The following LRRK2 variants were observed in gnomAD, a reference collection of about 807,000 sequenced individuals.
LRRK2 encodes the protein leucine rich repeat kinase 2.
Under a neutral mutation model 302.6 loss-of-function variants are expected in LRRK2, and 203 were observed. The ratio of observed to expected loss-of-function variants is 0.67; its 90% CI spans 0.60 to 0.75. LRRK2 has a LOEUF of 0.75. Among genes scored for constraint, LRRK2 ranks in the 30% least tolerant of loss-of-function variants. The pLI, the probability that LRRK2 is intolerant of heterozygous loss-of-function variation, is 0.00. For missense variants in LRRK2, 2,830 were observed against 2,951.0 expected, an observed-to-expected ratio of 0.96 and a Z score of 0.95; for synonymous variants, 1,066 against 1,031.9, an observed-to-expected ratio of 1.03 and a Z score of -0.63.
At chr12:40,343,029 T>C (rs780475946) in intron 41 of LRRK2, among the ~76,000 whole-genome samples, 8 of 151,972 alleles carry the variant, frequency 5.3e-5, no homozygotes, top group Non-Finnish European at 8.8e-5. Context: ...TTAGAGAATA[T>C]AAAAAAACAT....
At chr12:40,354,011 C>T (rs375200624) in intron 44 of LRRK2, among the ~76,000 whole-genome samples, 7 of 151,840 alleles carry the variant, frequency 4.6e-5, no homozygotes, top group African/African-American at 7.2e-5. Flanking sequence ...GAGAGGGAGA[C>T]GGAGAGGGAG....
rs1946940915 is a variant in LRRK2, at chr12:40,368,437, T to A, written c.*672T>A. 1 of 151,812 alleles carries A rather than the reference T, an allele frequency of 6.6e-6. No individual in the cohort carries two copies. 9.4% of individuals were successfully genotyped at this position (151,812 alleles called of 1,614,324 possible). A position where few individuals can be genotyped will look rare whatever the true frequency, so the allele number is the denominator to read the frequency against. On this transcript the variant is annotated 3_prime_UTR_variant, in exon 51 of 51. Coordinates refer to ENST00000298910, the MANE Select transcript of LRRK2 (RefSeq NM_198578.4). ...TCATATCTAGGAAAGACACAGAAAC[T>A]CTCTTTGTCACAGAAACTCTCTGTG...
chr12:40,274,644 T>G lies in LRRK2; in HGVS notation c.1718T>G (p.Phe573Cys), dbSNP rs755918621. ...GLKVISSIVH[F>C]PDALEMLSLE... ...AAAGTAATTTCTTCTATTGTACATT[T>G]TCCTGATGCATTAGAGATGTTATCC... The change falls in exon 15 of 51, where the codon TTT becomes TGT. Residue 573 changes from phenylalanine (F) to cysteine (C), a missense_variant. Transcript: ENST00000298910. The G allele has an allele frequency of 1.5e-5, 24 of 1,613,964 alleles. No individual in the cohort carries two copies. The highest frequency in any genetic ancestry group is 2.0e-5 in the Non-Finnish European group (24 of 1,179,882).
chr12:40,352,818 T>A (rs1028561649), intron 44 of LRRK2, among the ~76,000 whole-genome samples: 2 of 151,956 alleles, frequency 1.3e-5, no homozygotes, highest in African/African-American at 4.8e-5. Flanking sequence ...CAGAAGAATT[T>A]TTCTTAGTAC....
chr12:40,305,642 T>C (rs1427853909), intron 27 of LRRK2, 143 bp from the exon 28 acceptor site: 1 of 760,490 alleles, frequency 1.3e-6, no homozygotes, highest in Non-Finnish European at 2.3e-6. Flanking sequence ...TGACAAACCT[T>C]TGGAAAGTTT....
intron 16 of LRRK2, among the ~76,000 whole-genome samples, chr12:40,277,631 T>G (rs915583600): frequency 6.6e-6 from 1 of 152,198 alleles, no homozygotes; most frequent in African/African-American, 2.4e-5. Flanking sequence ...TTGAGGGTAT[T>G]AGTTCTTTTT....
chr12:40,235,705 C>T lies in LRRK2; in HGVS notation c.427C>T (p.Leu143=). Residue 143 remains leucine (L), a synonymous_variant, in exon 4 of 51, where the codon CTA becomes TTA. Transcript: ENST00000298910. The part of the protein sequence containing the change: ...VIGLKTLDLL[L]TSGKITLLIL... ...TGGACTGAAGACCTTAGATCTCCTC[C>T]TAACTTCAGGTAATATGTGTATATG... The T allele has an allele frequency of 6.3e-7, 1 of 1,586,904 alleles. No homozygotes were observed. Among genetic ancestry groups the T allele is most frequent in the South Asian group, 1.1e-5 (1 of 90,556 alleles).
intron 32 of LRRK2, 138 bp downstream of exon 32, chr12:40,314,311 T>G (rs1945138112): frequency 1.2e-6 from 1 of 851,352 alleles, no homozygotes; most frequent in Non-Finnish European, 1.9e-6. Context: ...ATTTTTTTCT[T>G]TTTGGAAGAT....
intron 3 of LRRK2, chr12:40,232,591 A>G (rs963998436): frequency 2.1e-5 from 10 of 472,642 alleles, no homozygotes; most frequent in African/African-American, 1.4e-4. Flanking sequence ...TTAAGGTAAC[A>G]TGTCAGAAGT....
At chr12:40,311,447 G>A (rs1157838184) in intron 31 of LRRK2, among the ~76,000 whole-genome samples, 1 of 152,042 alleles carries the variant, frequency 6.6e-6, no homozygotes, top group East Asian at 1.9e-4. Context: ...AGTTCCATAT[G>A]ACAAACATAA....
At chr12:40,246,398 A>G (rs1229542796) in intron 7 of LRRK2, among the ~76,000 whole-genome samples, 4 of 151,784 alleles carry the variant, frequency 2.6e-5, no homozygotes, top group African/African-American at 9.7e-5. Flanking sequence ...TTCTCTGTTT[A>G]TTTTCACATA....
chr12:40,340,601 TG>T (rs1946010199), intron 41 of LRRK2, 147 bp downstream of exon 41: 1 of 845,638 alleles, frequency 1.2e-6, no homozygotes, highest in Non-Finnish European at 2.0e-6. Flanking sequence ...AGCATCACAT[TG>T]TGATTTTTAT....
intron 39 of LRRK2, among the ~76,000 whole-genome samples, chr12:40,330,813 T>G (rs1310668024): frequency 6.6e-6 from 1 of 152,164 alleles, no homozygotes. Context: ...TTGAGTTCCC[T>G]CTTCAAGTTT....
chr12:40,315,211 G>T lies in LRRK2; in HGVS notation c.4739-1G>T. 1.2e-6 allele frequency: 2 copies of T among 1,610,282 alleles called. No homozygotes were observed. Among genetic ancestry groups the T allele is most frequent in the Non-Finnish European group, 1.7e-6 (2 of 1,176,846 alleles). ...CACTGTTTGATGACTTTTTACTACA[G>T]GAGTCCTTCTTCATTTTCAAGACCC... On this transcript the variant is annotated splice_acceptor_variant, in intron 32 of 50. Coordinates refer to ENST00000298910, the MANE Select transcript of LRRK2 (RefSeq NM_198578.4). LOFTEE classifies it high-confidence loss of function.
chr12:40,294,756 C>T (rs2136714232), intron 21 of LRRK2, 89 bp from the exon 22 acceptor site: 1 of 721,824 alleles, frequency 1.4e-6, no homozygotes, highest in Non-Finnish European at 2.4e-6. Context: ...TACCATTAAC[C>T]CTATTAAAAT....
Position 40,351,660 on chromosome 12 carries a change from G to C in LRRK2, c.6503G>C (p.Trp2168Ser). ...THHNSRNASI[W>S]LGCGHTDRGQ... ...CACAACAGCAGGAATGCAAGCATTT[G>C]GCTGGGCTGTGGGCACACCGACAGA... The change falls in exon 44 of 51, where the codon TGG (tryptophan) becomes TCG (serine). Residue 2168 changes from tryptophan (W) to serine (S), a missense_variant. By Grantham distance (177) the Trp-to-Ser change is radical. Around this residue, in one of 3 missense-constraint regions of LRRK2, gnomAD observed 456 missense variants for 456.3 expected, o/e 1.00. Coordinates refer to ENST00000298910, the MANE Select transcript of LRRK2 (RefSeq NM_198578.4). 1 of 1,614,144 alleles carries C rather than the reference G, an allele frequency of 6.2e-7. No homozygotes were observed. Among genetic ancestry groups the C allele is most frequent in the African/African-American group, 1.3e-5 (1 of 75,036 alleles).
intron 13 of LRRK2, among the ~76,000 whole-genome samples, chr12:40,261,505 T>A (rs1333428239): frequency 1.3e-5 from 2 of 152,108 alleles, no homozygotes; most frequent in East Asian, 3.9e-4. Context: ...TTTATAAGCA[T>A]ATCAGTATGT....
intron 2 of LRRK2, 28 bp downstream of exon 2, chr12:40,225,668 A>C: frequency 8.9e-6 from 14 of 1,571,774 alleles, no homozygotes; most frequent in Non-Finnish European, 1.2e-5. Context: ...ACTTCAACTC[A>C]TTCTCCCTTC....
rs60866417 is a variant in LRRK2 at position 40,359,018 on chromosome 12, TTTG to T, written c.6844-228_6844-226del. On this transcript the variant is annotated intron_variant, in intron 46 of 50. Transcript: ENST00000298910. ...ATTGCTTTCTTGATTTTTCAGCTAC[TTTG>T]TTGTTGTTGTTGTATAGATATGCTA... Among the ~76,000 whole-genome samples, 116,186 of 151,432 alleles carry T rather than the reference TTTG, an allele frequency of 0.77. 45,416 individuals are homozygous for T. The highest frequency in any genetic ancestry group is 0.85 in the Non-Finnish European group (57,977 of 67,810).
Sources: allele counts gnomAD v4.1 joint callset (sites outside exome capture counted in the v4.1 genomes callset), GRCh38; gene constraint gnomAD v4.1.1; regional missense constraint gnomAD v4.1.1; transcripts MANE v1.5; gene names NCBI Gene and HGNC (gene_info 2026-07-23, HGNC 2026-07-21).